ZNF813: variants seen among roughly 807,000 people sequenced by gnomAD.
ZNF813 encodes zinc finger protein 813.
A neutral mutation model predicts 7.2 loss-of-function variants in ZNF813; 3 were observed. The observed-to-expected ratio is 0.42, with a 90% CI of 0.19 to 1.08. The LOEUF (loss-of-function observed/expected upper bound fraction) is 1.08, where lower values mean the gene tolerates loss of function less well. Among genes scored for constraint, ZNF813 ranks in the 50% least tolerant of loss-of-function variants. ZNF813 has a pLI of 0.30. For synonymous variants in ZNF813, 227 were observed against 256.3 expected (o/e 0.89, Z 1.09); for missense variants, 714 against 753.3 (o/e 0.95, Z 0.61).
At chr19:53,468,254 C>T (rs1568824739) in intron 1 of ZNF813, among the ~76,000 whole-genome samples, 1 of 146,950 alleles carries the variant, frequency 6.8e-6, no homozygotes, top group Non-Finnish European at 1.5e-5. Context: ...CCTGCCGGGC[C>T]CTGCTGCTTC....
chr19:53,491,470 G>A lies in ZNF813; in HGVS notation c.1238G>A (p.Cys413Tyr), dbSNP rs1391411767. 1 of 1,614,146 alleles carries A rather than the reference G, an allele frequency of 6.2e-7. No individual in the cohort carries two copies. Among genetic ancestry groups the A allele is most frequent in the East Asian group, 2.2e-5 (1 of 44,878 alleles). Reference sequence around the variant, plus strand: ...CATACCGGAGAGAAGCCTTACAAGTGTAATGAATGTGGCAAGGTTTTTAAT... The same window carrying A: ...CATACCGGAGAGAAGCCTTACAAGTATAATGAATGTGGCAAGGTTTTTAAT... ...RLHTGEKPYK[C>Y]NECGKVFNKK... Residue 413 changes from cysteine to tyrosine, a missense_variant, in exon 4 of 4, where the codon TGT becomes TAT. Cys to Tyr is a radical substitution (Grantham distance 194). Around this residue, in one of 3 missense-constraint regions of ZNF813, gnomAD observed 563 missense variants for 554.2 expected, o/e 1.02. Coordinates refer to ENST00000396403, the MANE Select transcript of ZNF813 (RefSeq NM_001004301.4).
At position 53,491,274 on chromosome 19, in the gene ZNF813, C is replaced by T. The variant is rs780761570; in HGVS notation, c.1042C>T (p.Leu348Phe). ...GTCATCCCTTACATGCCATCGTAGA[C>T]TTCATACTGGAGAGAAACCTTTCAA... Reference protein sequence around the residue: ...QTSSLTCHRRLHTGEKPFKCN... With the variant: ...QTSSLTCHRRFHTGEKPFKCN... The change falls in exon 4 of 4, where the codon CTT becomes TTT. Residue 348 changes from leucine (L) to phenylalanine (F), a missense_variant. Physicochemically the swap from Leu to Phe is conservative, Grantham distance 22. This residue lies in a region of ZNF813 where 563 missense variants were observed against 554.2 expected (regional missense o/e 1.02). Coordinates refer to ENST00000396403, the MANE Select transcript of ZNF813 (RefSeq NM_001004301.4). The T allele has an allele frequency of 9.3e-6, 15 of 1,613,890 alleles. No homozygotes were observed. Among genetic ancestry groups the T allele is most frequent in the Non-Finnish European group, 1.1e-5 (13 of 1,179,934 alleles).
chr19:53,488,397 T>C (rs2086443851), intron 3 of ZNF813: 1 of 295,738 alleles, frequency 3.4e-6, no homozygotes, highest in Admixed American at 4.9e-5. Flanking sequence ...TTAGACTTCT[T>C]TCATTTCCTT....
chr19:53,483,018 T>G (rs1185753001), intron 1 of ZNF813, among the ~76,000 whole-genome samples: 1 of 152,134 alleles, frequency 6.6e-6, no homozygotes, highest in Non-Finnish European at 1.5e-5. Context: ...GTACAAGTGA[T>G]TCTCCTGCCT....
At position 53,468,850 on chromosome 19, in the gene ZNF813, A is replaced by G. The variant is rs542983231; in HGVS notation, c.-74+1061A>G. 1.8e-4 allele frequency among the ~76,000 whole-genome samples: 27 copies of G among 151,744 alleles called. 1 individual carries two copies. Among genetic ancestry groups the G allele is most frequent in the South Asian group, 1.7e-3 (8 of 4,808 alleles). On this transcript the variant is annotated intron_variant, in intron 1 of 3. Transcript: ENST00000396403. ...AGCAGGAGACAGAAGTCTTCCTCTT[A>G]TCTCAACTGCAAAGAGGCCTTCCTC...
chr19:53,476,036 G>A (rs1309215549), intron 1 of ZNF813, among the ~76,000 whole-genome samples: 6 of 152,076 alleles, frequency 3.9e-5, no homozygotes, highest in East Asian at 1.9e-4. Flanking sequence ...CCTATTTGAC[G>A]TTGGGTGGCC....
chr19:53,486,446 CAAAA>C (rs71304182), intron 2 of ZNF813, among the ~76,000 whole-genome samples, 182 bp from the exon 3 acceptor site: 1 of 133,694 alleles, frequency 7.5e-6, no homozygotes, highest in African/African-American at 2.8e-5. Flanking sequence ...GACTCCACCT[CAAAA>C]AAAAAAAAAG....
intron 1 of ZNF813, among the ~76,000 whole-genome samples, chr19:53,469,166 G>A (rs57566014): frequency 0.12 from 18,345 of 152,114 alleles, 1,110 homozygotes; most frequent in Non-Finnish European, 0.14. Context: ...ATTCAATACA[G>A]CACATGTTTC....
At chr19:53,490,316 T>G in intron 3 of ZNF813, 59 bp from the exon 4 acceptor site, 1 of 1,556,524 alleles carries the variant, frequency 6.4e-7, no homozygotes, top group Non-Finnish European at 8.7e-7. Flanking sequence ...ATTTACACAT[T>G]TCAGTATTAT....
intron 3 of ZNF813, among the ~76,000 whole-genome samples, chr19:53,488,709 G>A (rs776825295): frequency 1.3e-5 from 2 of 151,558 alleles, no homozygotes; most frequent in African/African-American, 2.4e-5. Flanking sequence ...GTGAGCCACC[G>A]CGCCCAGCCG....
chr19:53,485,614 A>C (rs1017382439), intron 2 of ZNF813, among the ~76,000 whole-genome samples: 2 of 86,662 alleles, frequency 2.3e-5, no homozygotes, highest in Non-Finnish European at 5.2e-5. Context: ...ATATCGTGAT[A>C]TATACATGCA....
In ZNF813 at chr19:53,490,505, T is replaced by G; in HGVS notation, c.273T>G (p.Asp91Glu). 1.2e-6 allele frequency: 2 copies of G among 1,614,128 alleles called. No homozygotes were observed. Among genetic ancestry groups the G allele is most frequent in the Non-Finnish European group, 1.7e-6 (2 of 1,180,022 alleles). Residue 91 changes from aspartate to glutamate, a missense_variant, in exon 4 of 4, where the codon GAT (aspartate) becomes GAG (glutamate). Around this residue, in one of 3 missense-constraint regions of ZNF813, gnomAD observed 563 missense variants for 554.2 expected, o/e 1.02. Transcript: ENST00000396403. ...HTGDFRFQEIDKDIHNLEFQW... is the reference protein window; with the variant it reads ...HTGDFRFQEIEKDIHNLEFQW... ...GAGACTTTCGCTTTCAGGAAATTGATAAAGATATTCATAACTTAGAGTTTC... is the reference window on the plus strand; with the variant it reads ...GAGACTTTCGCTTTCAGGAAATTGAGAAAGATATTCATAACTTAGAGTTTC...
At position 53,492,929 on chromosome 19, in the gene ZNF813, CAG is replaced by C. The variant is rs1234199505; in HGVS notation, c.*847_*848del. ...TTCACGTTCACACCTCCTTAGACAT[CAG>C]AGAATGCACACTGGACGGAAATCTT... is the stretch of plus-strand genomic sequence containing the variant. On this transcript the variant is annotated 3_prime_UTR_variant, in exon 4 of 4. Coordinates refer to ENST00000396403, the MANE Select transcript of ZNF813 (RefSeq NM_001004301.4). 2.7e-5 allele frequency: 13 copies of C among 481,220 alleles called. No homozygotes were observed. The highest frequency in any genetic ancestry group is 7.9e-5 in the African/African-American group (4 of 50,538). The allele number at this position is 481,220 out of a possible 1,614,324, so 29.8% of individuals were successfully genotyped here. A position where few individuals can be genotyped will look rare whatever the true frequency, so the allele number is the denominator to read the frequency against.
At position 53,483,817 on chromosome 19, in the gene ZNF813, T is replaced by A. The variant is rs745842296; in HGVS notation, c.-6T>A. On this transcript the variant is annotated 5_prime_UTR_variant, in exon 2 of 4. Transcript: ENST00000396403. ...GAAGAGGAAGAGGAAAGCAAAGGAG[T>A]CAGGGATGGCTCTTCCTCAGGTGAG... 3.1e-6 allele frequency: 5 copies of A among 1,613,146 alleles called. No homozygotes were observed. The highest frequency in any genetic ancestry group is 4.2e-6 in the Non-Finnish European group (5 of 1,179,906).
At chr19:53,472,897 T>C (rs1216964279) in intron 1 of ZNF813, among the ~76,000 whole-genome samples, 1 of 152,024 alleles carries the variant, frequency 6.6e-6, no homozygotes, top group Non-Finnish European at 1.5e-5. Flanking sequence ...CAGGCATGAG[T>C]GACCACACCT....
At position 53,469,842 on chromosome 19, in the gene ZNF813, AG is replaced by A. The variant is rs201757231; in HGVS notation, c.-74+2054del. The stretch of plus-strand genomic sequence containing the variant: ...GAAGAGAGAATTTAACGGGGAGAGC[AG>A]AGGAGGCGCAGAGATGGTGTTGCGG... On this transcript the variant is annotated intron_variant, in intron 1 of 3. Transcript: ENST00000396403. Among the ~76,000 whole-genome samples, 1,485 of 149,038 alleles carry A rather than the reference AG, an allele frequency of 1.0e-2. 6 individuals are homozygous for A. Among genetic ancestry groups the A allele is most frequent in the African/African-American group, 0.016 (604 of 38,848 alleles).
rs2617678 is a variant in ZNF813, at chr19:53,484,334, C to A, written c.15+497C>A. On this transcript the variant is annotated intron_variant, in intron 2 of 3. Transcript: ENST00000396403. ...TTACTGTGTTTCTGACTCCAAAAAT[C>A]TTAGTAATTAGAATGGAAAGTTCAT... Among the ~76,000 whole-genome samples, 1,497 of 151,942 alleles carry A rather than the reference C, an allele frequency of 9.9e-3. 32 individuals carry two copies. Among genetic ancestry groups the A allele is most frequent in the African/African-American group, 0.034 (1,396 of 41,306 alleles).
At chr19:53,482,123 T>A (rs181006297) in intron 1 of ZNF813, among the ~76,000 whole-genome samples, 1 of 152,288 alleles carries the variant, frequency 6.6e-6, no homozygotes, top group Admixed American at 6.5e-5. Context: ...TGGGTATGGC[T>A]TTTCTCATGG....
Position 53,490,740 on chromosome 19 carries a change from G to T in ZNF813, c.508G>T (p.Asp170Tyr). The T allele has an allele frequency of 6.2e-7, 1 of 1,614,138 alleles. No individual in the cohort carries two copies. The highest frequency in any genetic ancestry group is 8.5e-7 in the Non-Finnish European group (1 of 1,180,022). The change falls in exon 4 of 4, where the codon GAT (aspartate) becomes TAT (tyrosine). Residue 170 changes from aspartate (D) to tyrosine (Y), a missense_variant. By Grantham distance (160) the Asp-to-Tyr change is radical (BLOSUM62 -3). Around this residue, in one of 3 missense-constraint regions of ZNF813, gnomAD observed 563 missense variants for 554.2 expected, o/e 1.02. Transcript: ENST00000396403. ...IGNQVEKSIN[D>Y]ASSISTSQRI... ...TAATCAAGTGGAGAAGTCTATCAAC[G>T]ATGCTTCCTCAATTTCAACATCCCA...
Sources: gnomAD v4.1 joint callset for allele counts (sites outside exome capture counted in the v4.1 genomes callset) on GRCh38, gnomAD v4.1.1 for gene constraint, gnomAD v4.1.1 regional missense constraint, MANE v1.5 for transcripts, NCBI Gene and HGNC (gene_info 2026-07-23, HGNC 2026-07-21) for gene names.